The following SCUBE3 variants were observed in gnomAD, a reference collection of about 807,000 sequenced individuals.
SCUBE3 encodes signal peptide, CUB and EGF-like domain-containing protein 3.
SCUBE3 carries 33 observed loss-of-function variants against 116.8 expected under a neutral mutation model. That is an observed-to-expected ratio of 0.28 (90% CI 0.21 to 0.38). The LOEUF (loss-of-function observed/expected upper bound fraction) is 0.38. SCUBE3 is among the 10% of genes least tolerant of loss of function. The pLI is 1.00. For missense variants in SCUBE3, 1,007 were observed against 1,324.8 expected (o/e 0.76, Z 3.72); for synonymous variants, 418 against 496.9 (o/e 0.84, Z 2.11).
At chr6:35,248,469 G>A in intron 21 of SCUBE3, 87 bp from the exon 22 acceptor site, 1 of 1,265,346 alleles carries the variant, frequency 7.9e-7, no homozygotes, top group Non-Finnish European at 1.2e-6. Flanking sequence ...ATGCCTAGTA[G>A]ACATCAAGAA....
At chr6:35,225,757 TATCTATAA>T (rs1783298204) in intron 1 of SCUBE3, among the ~76,000 whole-genome samples, 1 of 152,180 alleles carries the variant, frequency 6.6e-6, no homozygotes, top group Non-Finnish European at 1.5e-5. Flanking sequence ...GGACTCTGGG[TATCTATAA>T]ATTGGAGAGA....
chr6:35,241,156 G>C lies in SCUBE3; in HGVS notation c.1085G>C (p.Ser362Thr), dbSNP rs376465727. ...ITHCGDVDEC[S>T]INRGGCRFGC... ...CTTCCCCCAGATGTGGATGAATGCA[G>C]CATCAACCGGGGAGGTTGCCGCTTT... Residue 362 changes from serine (S) to threonine (T), a missense_variant, in exon 10 of 22, where the codon AGC becomes ACC. By Grantham distance (58) the Ser-to-Thr change is moderately conservative. Around this residue, in one of 5 missense-constraint regions of SCUBE3, gnomAD observed 544 missense variants for 638.9 expected, o/e 0.85. Transcript: ENST00000274938. This position sits in a 1 kb window ranked among gnomAD's most constrained non-coding sequence, Gnocchi z 4.1. 162 of 1,599,132 alleles carry C rather than the reference G, an allele frequency of 1.0e-4. No individual in the cohort carries two copies. Among genetic ancestry groups the C allele is most frequent in the Non-Finnish European group, 1.3e-4 (153 of 1,167,992 alleles).
intron 12 of SCUBE3, 132 bp downstream of exon 12, chr6:35,242,042 C>A: frequency 1.2e-6 from 1 of 829,396 alleles, no homozygotes; most frequent in Non-Finnish European, 2.1e-6. Flanking sequence ...TCCAACCCTG[C>A]TCCCTCACTC....
In SCUBE3 at chr6:35,233,027, A is replaced by G. The variant is rs750849324; in HGVS notation, c.595+52A>G. The G allele has an allele frequency of 3.1e-6, 5 of 1,604,844 alleles. No homozygotes were observed. The highest frequency in any genetic ancestry group is 3.4e-6 in the Non-Finnish European group (4 of 1,172,972). Reference sequence around the variant, plus strand: ...GCAGTGGGGTCGGGGGTGAAAACATAGAGGAAGGGTATAGGGCTTCAGGAG... The same window carrying G: ...GCAGTGGGGTCGGGGGTGAAAACATGGAGGAAGGGTATAGGGCTTCAGGAG... On this transcript the variant is annotated intron_variant, in intron 5 of 21. Coordinates refer to ENST00000274938, the MANE Select transcript of SCUBE3 (RefSeq NM_152753.4). This position sits in a 1 kb window ranked among gnomAD's most constrained non-coding sequence, Gnocchi z 5.7.
At position 35,228,473 on chromosome 6, in the gene SCUBE3, G is replaced by T; in HGVS notation, c.209-141G>T. ...GAGACCTGAAAATGTTCATGACTTA[G>T]GTTTAAATGAAAACAGAAAAATGCT... On this transcript the variant is annotated intron_variant, in intron 2 of 21. Coordinates refer to ENST00000274938, the MANE Select transcript of SCUBE3 (RefSeq NM_152753.4). The surrounding 1 kb of genome is among the most constrained non-coding windows in gnomAD (Gnocchi z 4.9). 1 of 685,472 alleles carries T rather than the reference G, an allele frequency of 1.5e-6. No individual in the cohort carries two copies. The highest frequency in any genetic ancestry group is 2.4e-6 in the Non-Finnish European group (1 of 424,960). 42.5% of individuals were successfully genotyped at this position (685,472 alleles called of 1,614,324 possible).
chr6:35,231,825 C>T lies in SCUBE3; in HGVS notation c.435C>T (p.Ser145=), dbSNP rs765725065. Residue 145 remains serine (S), a synonymous_variant, in exon 4 of 22, where the codon AGC becomes AGT. Transcript: ENST00000274938. This position sits in a 1 kb window ranked among gnomAD's most constrained non-coding sequence, Gnocchi z 4.2. Reference sequence around the variant, plus strand: ...ACTGCCGGGAAGGCTTCTTCCTCAGCGACAACCAGCATACCTGTATCCAGC... The same window carrying T: ...ACTGCCGGGAAGGCTTCTTCCTCAGTGACAACCAGCATACCTGTATCCAGC... ...ECHCREGFFL[S]DNQHTCIQRP... The T allele has an allele frequency of 8.7e-6, 14 of 1,613,400 alleles. No homozygotes were observed. The highest frequency in any genetic ancestry group is 4.5e-5 in the East Asian group (2 of 44,848).
At position 35,244,681 on chromosome 6, in the gene SCUBE3, C is replaced by T; in HGVS notation, c.2271C>T (p.Thr757=). The T allele has an allele frequency of 6.2e-7, 1 of 1,614,160 alleles. No individual in the cohort carries two copies. The highest frequency in any genetic ancestry group is 8.5e-7 in the Non-Finnish European group (1 of 1,180,008). ...VQCSPGHYYN[T]SIHRCIRCAM... ...GCTCCCCAGGGCACTACTACAACAC[C>T]AGCATCCACCGCTGTATTCGCTGTG... Residue 757 remains threonine, a synonymous_variant, in exon 18 of 22, where the codon ACC becomes ACT. Transcript: ENST00000274938. This position sits in a 1 kb window ranked among gnomAD's most constrained non-coding sequence, Gnocchi z 4.3.
intron 1 of SCUBE3, among the ~76,000 whole-genome samples, chr6:35,220,026 C>T (rs1274675857): frequency 6.6e-6 from 1 of 152,210 alleles, no homozygotes; most frequent in Non-Finnish European, 1.5e-5. Flanking sequence ...AGCCTCAGAG[C>T]ATCTGCATTC....
Position 35,243,584 on chromosome 6 carries a change from T to A in SCUBE3, c.1910-10T>A. On this transcript the variant is annotated splice_polypyrimidine_tract_variant and intron_variant, in intron 15 of 21. Transcript: ENST00000274938. The surrounding 1 kb of genome is among the most constrained non-coding windows in gnomAD (Gnocchi z 6.6). Reference sequence around the variant, plus strand: ...GGGGTGGGTGGCTAGCGCGGCCGACTCTCCCTCAGTCAGCTGCCCGCAGGG... The same window carrying A: ...GGGGTGGGTGGCTAGCGCGGCCGACACTCCCTCAGTCAGCTGCCCGCAGGG... 6.3e-7 allele frequency: 1 copy of A among 1,596,794 alleles called. No individual in the cohort carries two copies. Among genetic ancestry groups the A allele is most frequent in the Non-Finnish European group, 8.6e-7 (1 of 1,168,516 alleles).
chr6:35,229,048 C>T (rs1783430754), intron 3 of SCUBE3, among the ~76,000 whole-genome samples: 1 of 152,128 alleles, frequency 6.6e-6, no homozygotes, highest in Non-Finnish European at 1.5e-5. Context: ...CTTGGTTCTG[C>T]TGCTTACTAG....
rs1161711002 is a variant in SCUBE3 at position 35,232,452 on chromosome 6, G to A, written c.470-398G>A. Among the ~76,000 whole-genome samples, 96 of 151,984 alleles carry A rather than the reference G, an allele frequency of 6.3e-4. 1 individual carries two copies. In the South Asian group the frequency reaches 0.019, roughly 30 times the overall value. On this transcript the variant is annotated intron_variant, in intron 4 of 21. Coordinates refer to ENST00000274938, the MANE Select transcript of SCUBE3 (RefSeq NM_152753.4). The surrounding 1 kb of genome is among the most constrained non-coding windows in gnomAD (Gnocchi z 4.2). ...TCTCATTGTAGATCTGATTGCTACT[G>A]ATCTTCTTCCCAGTTTGACTGTAAG...
chr6:35,246,781 G>T (rs1461638286), intron 21 of SCUBE3, among the ~76,000 whole-genome samples: 3 of 152,234 alleles, frequency 2.0e-5, no homozygotes, highest in Non-Finnish European at 1.5e-5. Flanking sequence ...TTTGAGACCA[G>T]CCTGGCCAAC....
At chr6:35,215,851 A>G (rs1331281337) in intron 1 of SCUBE3, among the ~76,000 whole-genome samples, 1 of 152,000 alleles carries the variant, frequency 6.6e-6, no homozygotes, top group Non-Finnish European at 1.5e-5. Flanking sequence ...CCAGCCCCAC[A>G]CTGCCTCTTT....
At position 35,228,621 on chromosome 6, in the gene SCUBE3, T is replaced by C. The variant is rs574037078; in HGVS notation, c.216T>C (p.Asp72=). 9 of 1,613,938 alleles carry C rather than the reference T, an allele frequency of 5.6e-6. No homozygotes were observed. The South Asian group carries it at 9.9e-5, about 18-fold the overall frequency. Residue 72 remains aspartate (D), a synonymous_variant, in exon 3 of 22, where the codon GAT becomes GAC. Transcript: ENST00000274938. The surrounding 1 kb of genome is among the most constrained non-coding windows in gnomAD (Gnocchi z 4.9). The part of the protein sequence containing the change: ...TGDGKHCKDV[D]ECEREDNAGC... The stretch of plus-strand genomic sequence containing the variant: ...GCTTCCCTTTGCCCACAGACGTGGA[T>C]GAGTGCGAGCGAGAGGATAATGCAG...
At position 35,248,582 on chromosome 6, in the gene SCUBE3, T is replaced by C. The variant is rs758721187; in HGVS notation, c.2859T>C (p.Phe953=). The C allele has an allele frequency of 1.2e-6, 2 of 1,614,138 alleles. No individual in the cohort carries two copies. The highest frequency in any genetic ancestry group is 1.7e-6 in the Non-Finnish European group (2 of 1,180,014). Reference sequence around the variant, plus strand: ...ACAAGAAGCTCATCAAGGCCTTCTTTGAGGTGCTAGCCCACCCCCAGAACT... The same window carrying C: ...ACAAGAAGCTCATCAAGGCCTTCTTCGAGGTGCTAGCCCACCCCCAGAACT... ...LKDKKLIKAF[F]EVLAHPQNYF... Residue 953 remains phenylalanine (F), a synonymous_variant, in exon 22 of 22, where the codon TTT becomes TTC. Transcript: ENST00000274938.
At position 35,228,761 on chromosome 6, in the gene SCUBE3, T is replaced by C; in HGVS notation, c.334+22T>C. The C allele has an allele frequency of 1.2e-6, 2 of 1,612,726 alleles. No individual in the cohort carries two copies. Among genetic ancestry groups the C allele is most frequent in the Non-Finnish European group, 1.7e-6 (2 of 1,178,766 alleles). ...CTGGGTAAGCAAAGGAGAGGGGATT[T>C]GGTGGAGGGATGTCTTGTGGAGAAA... On this transcript the variant is annotated intron_variant, in intron 3 of 21. Transcript: ENST00000274938. The surrounding 1 kb of genome is among the most constrained non-coding windows in gnomAD (Gnocchi z 4.9).
rs1000066808 is a variant in SCUBE3, at chr6:35,214,368, C to T, written c.-51C>T. On this transcript the variant is annotated 5_prime_UTR_variant, in exon 1 of 22. Coordinates refer to ENST00000274938, the MANE Select transcript of SCUBE3 (RefSeq NM_152753.4). The surrounding 1 kb of genome is among the most constrained non-coding windows in gnomAD (Gnocchi z 6.3). ...CTGGGATCCGGCCGGCTTCCGCCCTCCCCTGGCCGCGAGACCGGCCCCGGC... is the reference window on the plus strand; with the variant it reads ...CTGGGATCCGGCCGGCTTCCGCCCTTCCCTGGCCGCGAGACCGGCCCCGGC... The T allele has an allele frequency of 3.6e-5, 46 of 1,275,606 alleles. No homozygotes were observed. The highest frequency in any genetic ancestry group is 4.6e-5 in the African/African-American group (3 of 64,856). The allele number at this position is 1,275,606 out of a possible 1,614,324, so 79.0% of individuals were successfully genotyped here.
chr6:35,241,165 G>A lies in SCUBE3; in HGVS notation c.1094G>A (p.Arg365Gln), dbSNP rs200578249. 6.9e-5 allele frequency: 110 copies of A among 1,601,382 alleles called. 1 individual carries two copies. The highest frequency in any genetic ancestry group is 5.1e-4 in the South Asian group (46 of 90,642). The change falls in exon 10 of 22, where the codon CGG becomes CAG. Residue 365 changes from arginine (R) to glutamine (Q), a missense_variant. Physicochemically the swap from Arg to Gln is conservative, Grantham distance 43. Around this residue, in one of 5 missense-constraint regions of SCUBE3, gnomAD observed 544 missense variants for 638.9 expected, o/e 0.85. Coordinates refer to ENST00000274938, the MANE Select transcript of SCUBE3 (RefSeq NM_152753.4). The surrounding 1 kb of genome is among the most constrained non-coding windows in gnomAD (Gnocchi z 4.1). The part of the protein sequence containing the change: ...CGDVDECSIN[R>Q]GGCRFGCINT... ...GATGTGGATGAATGCAGCATCAACC[G>A]GGGAGGTTGCCGCTTTGGCTGCATC... is the stretch of plus-strand genomic sequence containing the variant.
rs1427170592 is a variant in SCUBE3 at position 35,239,790 on chromosome 6, CAT to C, written c.871_872del (p.Ile291LeufsTer17). ...CCGCTTAAACAACGGGGGCTGTGAC[CAT>C]ATTTGCCGCAACACAGTGGGCAGCT... ...ECRLNNGGCD[H>X]ICRNTVGSFE... On this transcript the variant is annotated frameshift_variant, in exon 8 of 22. Coordinates refer to ENST00000274938, the MANE Select transcript of SCUBE3 (RefSeq NM_152753.4). LOFTEE classifies it high-confidence loss of function. The surrounding 1 kb of genome is among the most constrained non-coding windows in gnomAD (Gnocchi z 4.1). 3.1e-6 allele frequency: 5 copies of C among 1,611,412 alleles called. No homozygotes were observed. The highest frequency in any genetic ancestry group is 4.2e-6 in the Non-Finnish European group (5 of 1,179,002).
Sources: gnomAD v4.1 joint callset for allele counts (sites outside exome capture counted in the v4.1 genomes callset) on GRCh38, gnomAD v4.1.1 for gene constraint, gnomAD v4.1.1 regional missense constraint, Gnocchi (gnomAD v3.1) non-coding constraint, MANE v1.5 for transcripts, NCBI Gene and HGNC (gene_info 2026-07-23, HGNC 2026-07-21) for gene names.